The following C6orf132 variants were observed in gnomAD, a reference collection of about 807,000 sequenced individuals.
C6orf132 encodes uncharacterized protein C6orf132.
A neutral mutation model predicts 65.3 loss-of-function variants in C6orf132; 43 were observed. That is an observed-to-expected ratio of 0.66 (90% CI 0.52 to 0.85). The LOEUF is 0.85. Ranked by LOEUF, C6orf132 falls within the 40% of genes least tolerant of loss-of-function variation. The probability of loss-of-function intolerance (pLI) is 0.00; values close to 1 mark genes in which losing one functional copy is unlikely to be tolerated. For missense variants in C6orf132, 1,488 were observed against 1,548.8 expected, an observed-to-expected ratio of 0.96 and a Z score of 0.66; for synonymous variants, 631 against 654.1, an observed-to-expected ratio of 0.96 and a Z score of 0.54.
rs1434947640 is a variant in C6orf132, at chr6:42,103,638, A to G, written c.*123T>C. On this transcript the variant is annotated 3_prime_UTR_variant, in exon 5 of 5. Coordinates refer to ENST00000341865, the MANE Select transcript of C6orf132 (RefSeq NM_001164446.3). ...CATCGTTGGTCTTTGGGGATCAAAG[A>G]CTCCTCTGTGTCTGAGTCAGGTCGC... 1 of 487,190 alleles carries G rather than the reference A, an allele frequency of 2.1e-6. No homozygotes were observed. Among genetic ancestry groups the G allele is most frequent in the Non-Finnish European group, 3.3e-6 (1 of 299,614 alleles). 30.2% of individuals were successfully genotyped at this position (487,190 alleles called of 1,614,324 possible). A position where few individuals can be genotyped will look rare whatever the true frequency, so the allele number is the denominator to read the frequency against.
In C6orf132 at chr6:42,142,392, T is replaced by G. The variant is rs961513438; in HGVS notation, c.53A>C (p.Lys18Thr). The G allele has an allele frequency of 6.4e-7, 1 of 1,551,372 alleles. No individual in the cohort carries two copies. The highest frequency in any genetic ancestry group is 1.4e-5 in the African/African-American group (1 of 73,014). The change falls in exon 1 of 5, where the codon AAG becomes ACG. Residue 18 changes from lysine to threonine, a missense_variant. Transcript: ENST00000341865. ...GGAGGTGCTGGGGGTCGTGGTGTGC[T>G]TCTTCCCGAAGAGTTTGCTGAAGGT... ...QGTFSKLFGK[K>T]HTTTPSTSLY...
rs1766434567 is a variant in C6orf132, at chr6:42,107,562, C to T, written c.350G>A (p.Gly117Asp). The T allele has an allele frequency of 2.6e-6, 4 of 1,550,806 alleles. No individual in the cohort carries two copies. The highest frequency in any genetic ancestry group is 3.5e-6 in the Non-Finnish European group (4 of 1,146,716). The change falls in exon 4 of 5, where the codon GGC becomes GAC. Residue 117 changes from glycine (G) to aspartate (D), a missense_variant. Gly to Asp is a moderately conservative substitution (Grantham distance 94, BLOSUM62 -1). Transcript: ENST00000341865. ...EVTGTSSLVNGNLRLYSSVGD... is the reference protein window; with the variant it reads ...EVTGTSSLVNDNLRLYSSVGD... The stretch of plus-strand genomic sequence containing the variant: ...CACAGAGCTGTACAGTCGGAGGTTG[C>T]CATTGACTAGTGAGCTGGTACCTGA...
In C6orf132 at chr6:42,104,939, C is replaced by T. The variant is rs1002579306; in HGVS notation, c.2973G>A (p.Glu991=). The change falls in exon 4 of 5, where the codon GAG becomes GAA. Residue 991 remains glutamate, a synonymous_variant. Transcript: ENST00000341865. The surrounding 1 kb of genome is among the most constrained non-coding windows in gnomAD (Gnocchi z 4.1). The part of the protein sequence containing the change: ...FNFEVIPPPP[E]FSNDPEPPAP... ...CCGGGGGCTCAGGGTCATTGCTGAA[C>T]TCTGGCGGCGGTGGGATGACCTCGA... The T allele has an allele frequency of 1.2e-5, 17 of 1,476,956 alleles. No individual in the cohort carries two copies. The highest frequency in any genetic ancestry group is 1.4e-5 in the Non-Finnish European group (16 of 1,118,656). 91.5% of individuals were successfully genotyped at this position (1,476,956 alleles called of 1,614,324 possible).
At position 42,104,807 on chromosome 6, in the gene C6orf132, G is replaced by A. The variant is rs976044308; in HGVS notation, c.3105C>T (p.Gly1035=). ...NAGPGAPPAL[G]FSRFPAGARY... ...GCGCGCCCGCGGGAAAGCGCGAGAA[G>A]CCGAGAGCCGGGGGCGCCCCGGGGC... Residue 1035 remains glycine (G), a synonymous_variant, in exon 4 of 5, where the codon GGC becomes GGT. Coordinates refer to ENST00000341865, the MANE Select transcript of C6orf132 (RefSeq NM_001164446.3). This position sits in a 1 kb window ranked among gnomAD's most constrained non-coding sequence, Gnocchi z 4.1. 1.2e-4 allele frequency: 173 copies of A among 1,482,594 alleles called. 1 individual carries two copies. The highest frequency in any genetic ancestry group is 1.5e-4 in the Non-Finnish European group (164 of 1,123,192). The allele number at this position is 1,482,594 out of a possible 1,614,324, so 91.8% of individuals were successfully genotyped here. A position where few individuals can be genotyped will look rare whatever the true frequency, so the allele number is the denominator to read the frequency against.
chr6:42,122,536 AG>A (rs1371732289), intron 2 of C6orf132, among the ~76,000 whole-genome samples: 5 of 152,150 alleles, frequency 3.3e-5, no homozygotes, highest in Non-Finnish European at 5.9e-5. Context: ...TGGGTAGAGA[AG>A]GGGGTGTGGA....
chr6:42,136,160 C>A (rs1766938370), intron 1 of C6orf132, among the ~76,000 whole-genome samples: 1 of 13,950 alleles, frequency 7.2e-5, no homozygotes, highest in African/African-American at 5.0e-4. Flanking sequence ...TGTAAGCCAT[C>A]CAAAAAAAAA....
intron 2 of C6orf132, among the ~76,000 whole-genome samples, chr6:42,118,510 G>A (rs944398729): frequency 3.3e-5 from 5 of 152,242 alleles, no homozygotes; most frequent in Admixed American, 6.5e-5. Context: ...TCTCAGGGGA[G>A]TGGAGTGCAT....
chr6:42,114,248 C>A (rs1766534018), intron 2 of C6orf132, among the ~76,000 whole-genome samples: 1 of 152,186 alleles, frequency 6.6e-6, no homozygotes, highest in Non-Finnish European at 1.5e-5. Flanking sequence ...ACAAGGGGAT[C>A]CCACAGCACC....
chr6:42,106,827 C>T lies in C6orf132; in HGVS notation c.1085G>A (p.Cys362Tyr), dbSNP rs1453411477. The change falls in exon 4 of 5, where the codon TGC (cysteine) becomes TAC (tyrosine). Residue 362 changes from cysteine (C) to tyrosine (Y), a missense_variant. Coordinates refer to ENST00000341865, the MANE Select transcript of C6orf132 (RefSeq NM_001164446.3). ...VYPDRAPEPDCPGELKATAPA... is the reference protein window; with the variant it reads ...VYPDRAPEPDYPGELKATAPA... ...TGCTGTGGCCTTGAGCTCCCCAGGG[C>T]AGTCTGGCTCGGGGGCCCTGTCTGG... 2.5e-5 allele frequency: 39 copies of T among 1,535,316 alleles called. No homozygotes were observed. The East Asian group carries it at 9.1e-4, about 36-fold the overall frequency.
Position 42,102,945 on chromosome 6 carries a change from G to A in C6orf132, c.*816C>T, listed in dbSNP as rs1766318441. On this transcript the variant is annotated 3_prime_UTR_variant, in exon 5 of 5. Transcript: ENST00000341865. ...AAGCCTAAGACTCATGGCTCCTTGG[G>A]CCCAGTCCCCAAAATCAGGGCTGCA... 2.5e-6 allele frequency: 1 copy of A among 397,478 alleles called. No individual in the cohort carries two copies. Among genetic ancestry groups the A allele is most frequent in the Admixed American group, 4.4e-5 (1 of 22,692 alleles). 24.6% of individuals were successfully genotyped at this position (397,478 alleles called of 1,614,324 possible). A position where few individuals can be genotyped will look rare whatever the true frequency, so the allele number is the denominator to read the frequency against.
chr6:42,132,384 A>G (rs763711141), intron 1 of C6orf132, among the ~76,000 whole-genome samples: 1 of 151,702 alleles, frequency 6.6e-6, no homozygotes, highest in Non-Finnish European at 1.5e-5. Flanking sequence ...GTGTGGTGGC[A>G]TGCACCTGTA....
At chr6:42,121,780 A>T (rs777973534) in intron 2 of C6orf132, among the ~76,000 whole-genome samples, 17 of 152,152 alleles carry the variant, frequency 1.1e-4, no homozygotes, top group Non-Finnish European at 2.5e-4. Flanking sequence ...TGGGAGGGAG[A>T]TGACCCTGAA....
intron 2 of C6orf132, among the ~76,000 whole-genome samples, chr6:42,125,585 C>T (rs1477806315): frequency 2.6e-5 from 4 of 152,208 alleles, no homozygotes; most frequent in Non-Finnish European, 5.9e-5. Flanking sequence ...CCCTTTCAGC[C>T]GTCGGTTCAC....
Position 42,103,147 on chromosome 6 carries a change from C to T in C6orf132, c.*614G>A, listed in dbSNP as rs1173475050. ...TTCCATTCCACATGTGGGAGCTTCA[C>T]TCCCCACCCCACACATGGTCCTTCT... is the stretch of plus-strand genomic sequence containing the variant. On this transcript the variant is annotated 3_prime_UTR_variant, in exon 5 of 5. Transcript: ENST00000341865. The T allele has an allele frequency of 5.0e-6, 2 of 398,598 alleles. No homozygotes were observed. The highest frequency in any genetic ancestry group is 4.1e-5 in the African/African-American group (2 of 48,662). 24.7% of individuals were successfully genotyped at this position (398,598 alleles called of 1,614,324 possible).
chr6:42,125,105 G>C (rs1766744438), intron 2 of C6orf132, among the ~76,000 whole-genome samples: 1 of 152,208 alleles, frequency 6.6e-6, no homozygotes, highest in South Asian at 2.1e-4. Flanking sequence ...AGCAGGCCCA[G>C]GCTGCTGGAC....
At chr6:42,111,056 C>G (rs1210132007) in intron 2 of C6orf132, among the ~76,000 whole-genome samples, 4 of 152,168 alleles carry the variant, frequency 2.6e-5, no homozygotes, top group African/African-American at 9.7e-5. Context: ...AACTCCTCAG[C>G]CTGGCCTCCT....
At chr6:42,132,800 T>G (rs56343183) in intron 1 of C6orf132, among the ~76,000 whole-genome samples, 19,038 of 149,318 alleles carry the variant, frequency 0.13, 1,325 homozygotes, top group African/African-American at 0.15. Flanking sequence ...GAGGTTGTAG[T>G]GAGCTGAGAT....
chr6:42,113,839 GA>G (rs148364732), intron 2 of C6orf132, among the ~76,000 whole-genome samples: 1 of 150,436 alleles, frequency 6.6e-6, no homozygotes, highest in African/African-American at 2.4e-5. Flanking sequence ...AAAAAAGAAA[GA>G]AAAAAAAAGA....
intron 2 of C6orf132, among the ~76,000 whole-genome samples, chr6:42,123,598 AGAAG>A (rs1420614905): frequency 6.6e-6 from 1 of 151,342 alleles, no homozygotes; most frequent in Non-Finnish European, 1.5e-5. Flanking sequence ...AGAAGAAGAA[AGAAG>A]GAAGAAGAAG....
Sources: gnomAD v4.1 joint callset for allele counts (sites outside exome capture counted in the v4.1 genomes callset) on GRCh38, gnomAD v4.1.1 for gene constraint, Gnocchi (gnomAD v3.1) non-coding constraint, MANE v1.5 for transcripts, NCBI Gene and HGNC (gene_info 2026-07-23, HGNC 2026-07-21) for gene names.